The following TCF4 variants were observed in gnomAD, a reference collection of about 807,000 sequenced individuals.
TCF4 encodes the protein transcription factor 4.
A neutral mutation model predicts 82.1 loss-of-function variants in TCF4; 3 were observed. The observed-to-expected ratio is 0.04, with a 90% CI of 0.02 to 0.09. The LOEUF (loss-of-function observed/expected upper bound fraction) is 0.09. Ranked by LOEUF, TCF4 falls within the 10% of genes least tolerant of loss-of-function variation. The pLI, the probability that TCF4 is intolerant of heterozygous loss-of-function variation, is 1.00. For missense variants in TCF4, 518 were observed against 852.7 expected (o/e 0.61, Z 4.89); for synonymous variants, 276 against 309.6 (o/e 0.89, Z 1.14).
intron 5 of TCF4, among the ~76,000 whole-genome samples, chr18:55,447,752 A>C (rs2095550963): frequency 6.6e-6 from 1 of 152,174 alleles, no homozygotes; most frequent in South Asian, 2.1e-4. Context: ...CTTTGCTTTC[A>C]CAAATATATC....
At chr18:55,433,324 A>T (rs1335880136) in intron 5 of TCF4, among the ~76,000 whole-genome samples, 1 of 152,252 alleles carries the variant, frequency 6.6e-6, no homozygotes, top group Non-Finnish European at 1.5e-5. Context: ...TTGCTATTAG[A>T]TAAAATTTGC....
At chr18:55,316,441 G>C (rs1056410628) in intron 8 of TCF4, among the ~76,000 whole-genome samples, 2 of 151,994 alleles carry the variant, frequency 1.3e-5, no homozygotes, top group African/African-American at 4.8e-5. Flanking sequence ...TTTCTTAGTG[G>C]CAGAGCAGTA....
At chr18:55,397,022 G>A (rs1286257645) in intron 6 of TCF4, among the ~76,000 whole-genome samples, 2 of 152,154 alleles carry the variant, frequency 1.3e-5, no homozygotes, top group East Asian at 3.8e-4. Flanking sequence ...ATCAATGTGT[G>A]CTAAAACTAT....
At chr18:55,506,116 T>A (rs2096756881) in intron 3 of TCF4, among the ~76,000 whole-genome samples, 1 of 152,188 alleles carries the variant, frequency 6.6e-6, no homozygotes, top group Non-Finnish European at 1.5e-5. Flanking sequence ...GTTTTAAAGA[T>A]CAGATTCTAA....
At chr18:55,526,109 AT>A (rs776260269) in intron 3 of TCF4, among the ~76,000 whole-genome samples, 15 of 152,280 alleles carry the variant, frequency 9.9e-5, no homozygotes, top group Non-Finnish European at 1.9e-4. Context: ...ATCAGTAGCT[AT>A]GTGCCATCTT....
At chr18:55,265,571 C>T (rs184292174) in intron 11 of TCF4, 1 of 152,138 alleles carries the variant, frequency 6.6e-6, no homozygotes, top group Admixed American at 6.6e-5. Flanking sequence ...AACTAAGATG[C>T]CTTCACATTG....
chr18:55,297,207 A>G (rs1476741298), intron 8 of TCF4, among the ~76,000 whole-genome samples: 2 of 110,122 alleles, frequency 1.8e-5, no homozygotes, highest in East Asian at 2.1e-4. Flanking sequence ...TTCCAAATAG[A>G]AAAAAAAAAA....
intron 3 of TCF4, among the ~76,000 whole-genome samples, chr18:55,534,673 T>C (rs1603619790): frequency 6.6e-6 from 1 of 152,234 alleles, no homozygotes; most frequent in East Asian, 1.9e-4. Flanking sequence ...ATCAGGACTC[T>C]TCTCAAGTGA....
chr18:55,359,266 A>T (rs556612378), intron 6 of TCF4, among the ~76,000 whole-genome samples: 64 of 152,138 alleles, frequency 4.2e-4, no homozygotes, highest in Non-Finnish European at 7.8e-4. Flanking sequence ...CTTCTCTAAA[A>T]AGTTTCAAAT....
rs112456640 is a variant in TCF4 at position 55,508,812 on chromosome 18, G to A, written c.146-44675C>T. On this transcript the variant is annotated intron_variant, in intron 3 of 19. Transcript: ENST00000354452. ...ATAACAAACTGCAAATAACAAAACC[G>A]CAATACACGCTAAATGCTACAAGGT... Among the ~76,000 whole-genome samples the A allele has an allele frequency of 4.8e-3, 735 of 152,154 alleles. 7 individuals carry two copies. Among genetic ancestry groups the A allele is most frequent in the Non-Finnish European group, 6.7e-3 (457 of 67,990 alleles).
intron 8 of TCF4, among the ~76,000 whole-genome samples, chr18:55,337,674 G>A (rs375463878): frequency 2.6e-5 from 4 of 152,112 alleles, no homozygotes; most frequent in South Asian, 4.1e-4. Flanking sequence ...TGAGGGGTGC[G>A]GAGTGGTGAT....
intron 3 of TCF4, among the ~76,000 whole-genome samples, chr18:55,492,559 T>C (rs892501537): frequency 6.6e-6 from 1 of 152,202 alleles, no homozygotes; most frequent in African/African-American, 2.4e-5. Context: ...TTTAAAGCAT[T>C]GTTATTTAGA....
At chr18:55,386,426 T>C (rs1464469822) in intron 6 of TCF4, among the ~76,000 whole-genome samples, 1 of 152,136 alleles carries the variant, frequency 6.6e-6, no homozygotes, top group Non-Finnish European at 1.5e-5. Context: ...TTTTCCCTCT[T>C]GTGCACTCTT....
chr18:55,434,419 C>CTTTTTTTTTT (rs765165999), intron 5 of TCF4, among the ~76,000 whole-genome samples: 2 of 118,198 alleles, frequency 1.7e-5, no homozygotes, highest in African/African-American at 3.3e-5. Flanking sequence ...ACAGGACATT[C>CTTTTTTTTTT]TTTTTTTTTT....
At chr18:55,353,213 C>T (rs1016756698) in intron 6 of TCF4, among the ~76,000 whole-genome samples, 1 of 152,138 alleles carries the variant, frequency 6.6e-6, no homozygotes, top group East Asian at 1.9e-4. Context: ...CTTTTAGCAG[C>T]ATTCACAATA....
chr18:55,300,502 C>T (rs2067912774), intron 8 of TCF4, among the ~76,000 whole-genome samples: 1 of 152,094 alleles, frequency 6.6e-6, no homozygotes, highest in Admixed American at 6.5e-5. Context: ...ATTAGCAACC[C>T]AGAGTGGAAA....
rs1406027676 is a variant in TCF4, at chr18:55,350,371, A to T, written c.537T>A (p.Gly179=). The T allele has an allele frequency of 1.9e-6, 3 of 1,613,586 alleles. No individual in the cohort carries two copies. Among genetic ancestry groups the T allele is most frequent in the Non-Finnish European group, 2.5e-6 (3 of 1,179,706 alleles). ...QTKKVRKVPP[G]LPSSVYAPSA... ...AAGCAGTACTTACTGAAGATGGCAA[A>T]CCTGGAGGAACTTTTCGAACTTTCT... The change falls in exon 8 of 20, where the codon GGT becomes GGA. Residue 179 remains glycine, a synonymous_variant. Transcript: ENST00000354452.
At position 55,362,393 on chromosome 18, in the gene TCF4, A is replaced by AAG. The variant is rs1603353070; in HGVS notation, c.370-11391_370-11390insCT. On this transcript the variant is annotated intron_variant, in intron 6 of 19. Coordinates refer to ENST00000354452, the MANE Select transcript of TCF4 (RefSeq NM_001083962.2). ...AGGAAGGAAGGAAGGAAGGAAGGAA[A>AAG]GAAGGAAGGAAGGAAGGAAGGAAGG... 2.1e-3 allele frequency among the ~76,000 whole-genome samples: 93 copies of AAG among 43,448 alleles called. 1 individual carries two copies. Among genetic ancestry groups the AAG allele is most frequent in the South Asian group, 3.8e-3 (3 of 792 alleles). 28.5% of individuals were successfully genotyped at this position (43,448 alleles called of 152,430 possible). A position where few individuals can be genotyped will look rare whatever the true frequency, so the allele number is the denominator to read the frequency against.
chr18:55,606,786 AATG>A (rs1257055066), intron 2 of TCF4, among the ~76,000 whole-genome samples: 1 of 152,244 alleles, frequency 6.6e-6, no homozygotes, highest in Non-Finnish European at 1.5e-5. Flanking sequence ...TGACAATTGA[AATG>A]ATGGAGAATA....
Sources: allele counts gnomAD v4.1 joint callset (sites outside exome capture counted in the v4.1 genomes callset), GRCh38; gene constraint gnomAD v4.1.1; transcripts MANE v1.5; gene names NCBI Gene and HGNC (gene_info 2026-07-23, HGNC 2026-07-21).